The following NDST4 variants were observed in gnomAD, a reference collection of about 807,000 sequenced individuals.
The protein encoded by NDST4 is N-deacetylase and N-sulfotransferase 4.
NDST4 carries 63 observed loss-of-function variants against 100.8 expected under a neutral mutation model. The ratio of observed to expected loss-of-function variants is 0.62; its 90% CI spans 0.51 to 0.77. NDST4 has a LOEUF of 0.77. NDST4 is among the 30% of genes least tolerant of loss of function. The pLI, the probability that NDST4 is intolerant of heterozygous loss-of-function variation, is 0.00. For missense variants in NDST4, 943 were observed against 1,018.4 expected, an observed-to-expected ratio of 0.93 and a Z score of 1.01; for synonymous variants, 377 against 361.8, an observed-to-expected ratio of 1.04 and a Z score of -0.48.
At chr4:115,105,778 C>T (rs1729821686) in intron 1 of NDST4, among the ~76,000 whole-genome samples, 1 of 152,122 alleles carries the variant, frequency 6.6e-6, no homozygotes, top group South Asian at 2.1e-4. Flanking sequence ...TGCATAGAAA[C>T]AACTTCCGTA....
intron 1 of NDST4, among the ~76,000 whole-genome samples, chr4:115,103,304 A>G (rs2110344122): frequency 6.6e-6 from 1 of 152,308 alleles, no homozygotes; most frequent in Admixed American, 6.5e-5. Flanking sequence ...GGATGAATGA[A>G]TGAAGAATGT....
intron 1 of NDST4, among the ~76,000 whole-genome samples, chr4:115,101,445 C>T (rs974258593): frequency 6.6e-6 from 1 of 151,844 alleles, no homozygotes; most frequent in Non-Finnish European, 1.5e-5. Context: ...CACTAAGGAA[C>T]AGGGTGCATG....
intron 12 of NDST4, among the ~76,000 whole-genome samples, chr4:114,830,984 T>C (rs59516088): frequency 0.023 from 3,440 of 152,280 alleles, 115 homozygotes; most frequent in African/African-American, 0.078. Flanking sequence ...GTACATGTTG[T>C]AAATTAAAAT....
intron 2 of NDST4, among the ~76,000 whole-genome samples, chr4:114,990,261 A>G (rs937470226): frequency 2.0e-5 from 3 of 151,686 alleles, no homozygotes; most frequent in Admixed American, 2.0e-4. Context: ...AGAATAAAAA[A>G]CACATTATTA....
rs1430080276 is a variant in NDST4 at position 115,032,159 on chromosome 4, G to A, written c.978+43900C>T. Among the ~76,000 whole-genome samples, 3 of 152,062 alleles carry A rather than the reference G, an allele frequency of 2.0e-5. No homozygotes were observed. The East Asian group carries it at 5.8e-4, about 29-fold the overall frequency. On this transcript the variant is annotated intron_variant, in intron 2 of 13. Coordinates refer to ENST00000264363, the MANE Select transcript of NDST4 (RefSeq NM_022569.3). The stretch of plus-strand genomic sequence containing the variant: ...CACATTTAAGCACACATGATGTTCT[G>A]TAGAACCACAAGGTGCTGATGTGAA...
At chr4:115,091,203 T>C (rs1242543596) in intron 1 of NDST4, among the ~76,000 whole-genome samples, 1 of 152,108 alleles carries the variant, frequency 6.6e-6, no homozygotes, top group Non-Finnish European at 1.5e-5. Context: ...ATTTATTTTA[T>C]TTTAAGTATA....
chr4:114,982,461 C>T (rs1391590954), intron 2 of NDST4, among the ~76,000 whole-genome samples: 5 of 152,116 alleles, frequency 3.3e-5, no homozygotes, highest in Non-Finnish European at 7.4e-5. Flanking sequence ...AAACTTTGAA[C>T]TTGAGAGAGA....
chr4:114,989,089 T>C (rs1726980322), intron 2 of NDST4, among the ~76,000 whole-genome samples: 1 of 152,182 alleles, frequency 6.6e-6, no homozygotes, highest in Non-Finnish European at 1.5e-5. Flanking sequence ...CTAATTATGA[T>C]GCACATTTAT....
chr4:114,942,511 G>T lies in NDST4; in HGVS notation c.1222-5008C>A, dbSNP rs1725771972. Among the ~76,000 whole-genome samples, 4 of 152,088 alleles carry T rather than the reference G, an allele frequency of 2.6e-5. No individual in the cohort carries two copies. The South Asian group carries it at 6.2e-4, about 24-fold the overall frequency. On this transcript the variant is annotated intron_variant, in intron 4 of 13. Transcript: ENST00000264363. ...TACTAACATTTCCTTAGTAGAGATTGAAATTAAAATAAGAAATTTATATCT... is the reference window on the plus strand; with the variant it reads ...TACTAACATTTCCTTAGTAGAGATTTAAATTAAAATAAGAAATTTATATCT...
At chr4:114,849,365 C>T (rs1223339705) in intron 8 of NDST4, among the ~76,000 whole-genome samples, 1 of 152,206 alleles carries the variant, frequency 6.6e-6, no homozygotes, top group Non-Finnish European at 1.5e-5. Context: ...GTTAGATTTC[C>T]TAGCCCTAGC....
At chr4:114,930,209 T>A (rs1725484324) in intron 6 of NDST4, among the ~76,000 whole-genome samples, 1 of 152,188 alleles carries the variant, frequency 6.6e-6, no homozygotes, top group Non-Finnish European at 1.5e-5. Context: ...AATTGAAATA[T>A]CTCAGATATA....
chr4:114,855,060 T>A (rs540550379), intron 7 of NDST4, among the ~76,000 whole-genome samples: 1 of 152,328 alleles, frequency 6.6e-6, no homozygotes, highest in African/African-American at 2.4e-5. Flanking sequence ...CATATAATAA[T>A]TTGGCATTTG....
At chr4:115,095,839 T>C (rs529524371) in intron 1 of NDST4, among the ~76,000 whole-genome samples, 13 of 152,224 alleles carry the variant, frequency 8.5e-5, no homozygotes, top group African/African-American at 2.9e-4. Flanking sequence ...GTCTTTTCAT[T>C]ATAATTAATC....
chr4:114,970,089 T>A (rs560613591), intron 4 of NDST4, among the ~76,000 whole-genome samples: 4 of 151,534 alleles, frequency 2.6e-5, no homozygotes, highest in African/African-American at 9.8e-5. Flanking sequence ...AAATTATTTT[T>A]GAATGGTTAA....
chr4:114,973,752 A>G (rs1359892243), intron 3 of NDST4, among the ~76,000 whole-genome samples: 1 of 151,728 alleles, frequency 6.6e-6, no homozygotes, highest in Admixed American at 6.6e-5. Context: ...GATATATATA[A>G]TTTCAGTGTA....
At chr4:115,069,679 T>C (rs1352154806) in intron 2 of NDST4, among the ~76,000 whole-genome samples, 2 of 152,096 alleles carry the variant, frequency 1.3e-5, no homozygotes, top group African/African-American at 4.8e-5. Context: ...GCAGATCACT[T>C]GAAGTCAGGA....
At chr4:114,868,088 T>C (rs1724072176) in intron 7 of NDST4, among the ~76,000 whole-genome samples, 1 of 152,204 alleles carries the variant, frequency 6.6e-6, no homozygotes, top group African/African-American at 2.4e-5. Context: ...TTTCTTTTAT[T>C]TGTGGTAACA....
chr4:115,030,486 C>A (rs1728091379), intron 2 of NDST4, among the ~76,000 whole-genome samples: 1 of 152,026 alleles, frequency 6.6e-6, no homozygotes, highest in Non-Finnish European at 1.5e-5. Context: ...TTGACAGGAA[C>A]CATAAGTCAC....
chr4:114,827,967 G>A (rs1368836115), intron 13 of NDST4, 32 bp from the exon 14 acceptor site: 1 of 1,565,718 alleles, frequency 6.4e-7, no homozygotes, highest in Non-Finnish European at 8.6e-7. Context: ...CTTGAAAGAA[G>A]CTCTTTGTTT....
Sources: gnomAD v4.1 joint callset for allele counts (sites outside exome capture counted in the v4.1 genomes callset) on GRCh38, gnomAD v4.1.1 for gene constraint, MANE v1.5 for transcripts, NCBI Gene and HGNC (gene_info 2026-07-23, HGNC 2026-07-21) for gene names.